Variants in CHST11 observed in about 807,000 individuals in gnomAD.
CHST11 encodes C4S-1.
CHST11 carries 9 observed loss-of-function variants against 30.4 expected under a neutral mutation model. That is an observed-to-expected ratio of 0.30 (90% confidence interval 0.18 to 0.52). The LOEUF is 0.52. Ranked by LOEUF, CHST11 falls within the 20% of genes least tolerant of loss-of-function variation. The pLI is 0.97. For synonymous variants in CHST11, 152 were observed against 187.8 expected (o/e 0.81, Z 1.56); for missense variants, 348 against 460.6 (o/e 0.76, Z 2.24).
intron 2 of CHST11, among the ~76,000 whole-genome samples, chr12:104,754,198 G>A (rs1364399916): frequency 6.6e-6 from 1 of 152,152 alleles, no homozygotes; most frequent in Non-Finnish European, 1.5e-5. Context: ...TGCTTCTCTG[G>A]AATCTGGCTG....
chr12:104,757,745 A>G lies in CHST11; in HGVS notation c.1001A>G (p.Tyr334Cys). 1 of 1,614,210 alleles carries G rather than the reference A, an allele frequency of 6.2e-7. No individual in the cohort carries two copies. Among genetic ancestry groups the G allele is most frequent in the Non-Finnish European group, 8.5e-7 (1 of 1,180,036 alleles). The change falls in exon 3 of 3, where the codon TAC becomes TGC. Residue 334 changes from tyrosine (Y) to cysteine (C), a missense_variant. Coordinates refer to ENST00000303694, the MANE Select transcript of CHST11 (RefSeq NM_018413.6). The surrounding 1 kb of genome is among the most constrained non-coding windows in gnomAD (Gnocchi z 6.5). ...CACCAAACGCAGCTGTACGAAGTCTACAAACTCGATTTTTTAATGTTCAAT... is the reference window on the plus strand; with the variant it reads ...CACCAAACGCAGCTGTACGAAGTCTGCAAACTCGATTTTTTAATGTTCAAT... ...SEHQTQLYEV[Y>C]KLDFLMFNYS...
At chr12:104,743,450 G>A (rs1452426550) in intron 2 of CHST11, among the ~76,000 whole-genome samples, 1 of 152,164 alleles carries the variant, frequency 6.6e-6, no homozygotes, top group Admixed American at 6.5e-5. Flanking sequence ...GGGGCTGAGA[G>A]CAGCCAGAGG....
In CHST11 at chr12:104,551,094, T is replaced by C. The variant is rs184769880; in HGVS notation, c.119-50812T>C. On this transcript the variant is annotated intron_variant, in intron 1 of 2. Coordinates refer to ENST00000303694, the MANE Select transcript of CHST11 (RefSeq NM_018413.6). The stretch of plus-strand genomic sequence containing the variant: ...GGGCTATTTCAAAGGCGACCTACTC[T>C]GTCATGTTGAAGTGTGGGTTGGGAT... Among the ~76,000 whole-genome samples, 96 of 152,358 alleles carry C rather than the reference T, an allele frequency of 6.3e-4. 1 individual carries two copies. The highest frequency in any genetic ancestry group is 2.3e-3 in the African/African-American group (94 of 41,590).
intron 2 of CHST11, among the ~76,000 whole-genome samples, chr12:104,730,179 G>A (rs566092535): frequency 1.8e-4 from 27 of 152,190 alleles, no homozygotes; most frequent in African/African-American, 5.8e-4. Context: ...TCCTTCACTC[G>A]TTCTGGAGGA....
chr12:104,677,995 G>A (rs1173099996), intron 2 of CHST11, among the ~76,000 whole-genome samples: 1 of 152,214 alleles, frequency 6.6e-6, no homozygotes, highest in Non-Finnish European at 1.5e-5. Context: ...TCAAGTCTCA[G>A]ATGAAATATC....
At chr12:104,542,347 A>G (rs908154494) in intron 1 of CHST11, among the ~76,000 whole-genome samples, 42 of 152,246 alleles carry the variant, frequency 2.8e-4, no homozygotes, top group African/African-American at 9.9e-4. Context: ...AAAGGTGAAA[A>G]CAACTCACGT....
chr12:104,618,924 T>A (rs2039134444), intron 2 of CHST11, among the ~76,000 whole-genome samples: 1 of 152,210 alleles, frequency 6.6e-6, no homozygotes, highest in Non-Finnish European at 1.5e-5. Flanking sequence ...TGACCTGAAT[T>A]CCTTTGATTC....
rs1565954855 is a variant in CHST11, at chr12:104,475,683, TA to T, written c.118+18155del. On this transcript the variant is annotated intron_variant, in intron 1 of 2. Transcript: ENST00000303694. ...TTATATATATATATATATATATATA[TA>T]TATATATTTCTGATTATGAAATTAA... Among the ~76,000 whole-genome samples, 102 of 114,186 alleles carry T rather than the reference TA, an allele frequency of 8.9e-4. 2 individuals are homozygous for T. The highest frequency in any genetic ancestry group is 2.6e-3 in the South Asian group (9 of 3,510). 74.9% of individuals were successfully genotyped at this position (114,186 alleles called of 152,430 possible).
chr12:104,546,693 A>C (rs2038354306), intron 1 of CHST11, among the ~76,000 whole-genome samples: 1 of 152,152 alleles, frequency 6.6e-6, no homozygotes, highest in Non-Finnish European at 1.5e-5. Context: ...TTTTCTTGTC[A>C]GGCTACTTCC....
intron 1 of CHST11, among the ~76,000 whole-genome samples, chr12:104,536,436 T>G (rs1466291147): frequency 6.6e-6 from 1 of 152,196 alleles, no homozygotes; most frequent in African/African-American, 2.4e-5. Flanking sequence ...TGTTAGATGT[T>G]AGCAGTGCAG....
At position 104,757,992 on chromosome 12, in the gene CHST11, G is replaced by A. The variant is rs2040494549; in HGVS notation, c.*189G>A. The A allele has an allele frequency of 3.1e-6, 2 of 642,324 alleles. No individual in the cohort carries two copies. The highest frequency in any genetic ancestry group is 2.8e-5 in the East Asian group (1 of 35,204). The allele number at this position is 642,324 out of a possible 1,614,324, so 39.8% of individuals were successfully genotyped here. Reference sequence around the variant, plus strand: ...GCTGTCTTTGCAGGGGAAATAGGATGGGTCGTCCTTGTCTGTAGAAGTGAA... The same window carrying A: ...GCTGTCTTTGCAGGGGAAATAGGATAGGTCGTCCTTGTCTGTAGAAGTGAA... On this transcript the variant is annotated 3_prime_UTR_variant, in exon 3 of 3. Transcript: ENST00000303694. The surrounding 1 kb of genome is among the most constrained non-coding windows in gnomAD (Gnocchi z 6.5).
intron 1 of CHST11, among the ~76,000 whole-genome samples, chr12:104,499,064 T>A (rs771370094): frequency 3.2e-4 from 48 of 152,206 alleles, no homozygotes; most frequent in Non-Finnish European, 5.7e-4. Flanking sequence ...TTAATTTAGA[T>A]CTCCCTATCT....
rs750565191 is a variant in CHST11, at chr12:104,601,962, C to G, written c.175C>G (p.Pro59Ala). Residue 59 changes from proline (P) to alanine (A), a missense_variant, in exon 2 of 3, where the codon CCC becomes GCC. This residue lies in a region of CHST11 where 135 missense variants were observed against 155.8 expected (regional missense o/e 0.87). Coordinates refer to ENST00000303694, the MANE Select transcript of CHST11 (RefSeq NM_018413.6). Reference protein sequence around the residue: ...DICCRKGSRSPLQELYNPIQL... With the variant: ...DICCRKGSRSALQELYNPIQL... The stretch of plus-strand genomic sequence containing the variant: ...CTGCTGCCGGAAGGGGTCCCGAAGC[C>G]CCCTGCAGGAACTCTACAACCCAAT... The G allele has an allele frequency of 1.2e-6, 2 of 1,613,942 alleles. No homozygotes were observed. The highest frequency in any genetic ancestry group is 1.7e-5 in the Admixed American group (1 of 60,000).
intron 2 of CHST11, among the ~76,000 whole-genome samples, chr12:104,677,422 T>G (rs1419487968): frequency 6.6e-6 from 1 of 152,202 alleles, no homozygotes; most frequent in Admixed American, 6.5e-5. Flanking sequence ...GAGTGGAGAT[T>G]AGCTTGTCAA....
Position 104,710,834 on chromosome 12 carries a change from A to G in CHST11, c.205-46115A>G, listed in dbSNP as rs540947359. ...CAGGTGTGACTTCCAGCTCTGAAGC[A>G]TCTCTCCAGCAAACTTCTCTACAGC... On this transcript the variant is annotated intron_variant, in intron 2 of 2. Coordinates refer to ENST00000303694, the MANE Select transcript of CHST11 (RefSeq NM_018413.6). Among the ~76,000 whole-genome samples, 6 of 152,260 alleles carry G rather than the reference A, an allele frequency of 3.9e-5. No individual in the cohort carries two copies. In the South Asian group the frequency reaches 6.2e-4, roughly 16 times the overall value.
At chr12:104,653,391 G>T (rs973715358) in intron 2 of CHST11, among the ~76,000 whole-genome samples, 5 of 152,150 alleles carry the variant, frequency 3.3e-5, no homozygotes, top group Non-Finnish European at 2.9e-5. Context: ...CCATTCATCT[G>T]TTCATAGACA....
In CHST11 at chr12:104,514,232, G is replaced by A; in HGVS notation, c.118+56703G>A. On this transcript the variant is annotated intron_variant, in intron 1 of 2. Coordinates refer to ENST00000303694, the MANE Select transcript of CHST11 (RefSeq NM_018413.6). ...CCGGGGACATTGACACAGCAGCCAAGTTTATTGGTGTTGGGGCAGCCACAG... is the reference window on the plus strand; with the variant it reads ...CCGGGGACATTGACACAGCAGCCAAATTTATTGGTGTTGGGGCAGCCACAG... The A allele has an allele frequency of 3.4e-6, 3 of 874,238 alleles. No individual in the cohort carries two copies. In the South Asian group the frequency reaches 3.9e-5, roughly 11 times the overall value. The allele number at this position is 874,238 out of a possible 1,614,324, so 54.2% of individuals were successfully genotyped here.
chr12:104,696,790 T>G (rs941106542), intron 2 of CHST11, among the ~76,000 whole-genome samples: 4 of 152,236 alleles, frequency 2.6e-5, no homozygotes. Flanking sequence ...TTCCAGTGTT[T>G]GTTTTATACT....
intron 2 of CHST11, among the ~76,000 whole-genome samples, chr12:104,654,203 C>A (rs1344605415): frequency 6.6e-6 from 1 of 152,160 alleles, no homozygotes; most frequent in Non-Finnish European, 1.5e-5. Context: ...GAGGGAGCTC[C>A]AAGGCTACCT....
Sources: gnomAD v4.1 joint callset for allele counts (sites outside exome capture counted in the v4.1 genomes callset) on GRCh38, gnomAD v4.1.1 for gene constraint, gnomAD v4.1.1 regional missense constraint, Gnocchi (gnomAD v3.1) non-coding constraint, MANE v1.5 for transcripts, NCBI Gene and HGNC (gene_info 2026-07-23, HGNC 2026-07-21) for gene names.